Variants in CADM2 observed in about 807,000 individuals in gnomAD.
CADM2 encodes cell adhesion molecule 2.
In CADM2, 12 loss-of-function variants were observed where a neutral mutation model predicts 49.8. The ratio of observed to expected loss-of-function variants is 0.24; its 90% CI spans 0.15 to 0.39. The LOEUF (loss-of-function observed/expected upper bound fraction) is 0.39. CADM2 is among the 10% of genes least tolerant of loss of function. The pLI is 1.00. For synonymous variants in CADM2, 214 were observed against 175.4 expected (o/e 1.22, Z -1.74); for missense variants, 378 against 492.3 (o/e 0.77, Z 2.20).
At chr3:85,005,631 C>T (rs763601522) in intron 1 of CADM2, among the ~76,000 whole-genome samples, 4 of 151,692 alleles carry the variant, frequency 2.6e-5, no homozygotes, top group Admixed American at 6.6e-5. Flanking sequence ...GTGAATAGAA[C>T]GTGCAGAGAT....
intron 3 of CADM2, among the ~76,000 whole-genome samples, chr3:85,865,179 T>C (rs1313234099): frequency 6.6e-6 from 1 of 152,188 alleles, no homozygotes. Flanking sequence ...TTCAAAGAAC[T>C]GGAGAGGCTT....
intron 1 of CADM2, among the ~76,000 whole-genome samples, chr3:85,661,812 C>G (rs1302369548): frequency 1.3e-5 from 2 of 151,808 alleles, no homozygotes. Flanking sequence ...ATAGACCTTC[C>G]AAAACTCATT....
chr3:85,925,599 C>A (rs1249519242), intron 6 of CADM2, among the ~76,000 whole-genome samples: 1 of 152,116 alleles, frequency 6.6e-6, no homozygotes, highest in African/African-American at 2.4e-5. Flanking sequence ...GGTATTTTAA[C>A]CCCACTGTTC....
chr3:85,141,299 T>C (rs2039568496), intron 1 of CADM2, among the ~76,000 whole-genome samples: 1 of 152,188 alleles, frequency 6.6e-6, no homozygotes, highest in African/African-American at 2.4e-5. Context: ...CTCAATTTCT[T>C]AATCTTTTAA....
intron 1 of CADM2, among the ~76,000 whole-genome samples, chr3:85,273,406 T>C (rs2043287549): frequency 6.6e-6 from 1 of 151,146 alleles, no homozygotes; most frequent in Non-Finnish European, 1.5e-5. Context: ...AAAAAAGACT[T>C]AGAGGAATTG....
At chr3:85,481,961 T>C (rs886587820) in intron 1 of CADM2, among the ~76,000 whole-genome samples, 3 of 151,574 alleles carry the variant, frequency 2.0e-5, no homozygotes, top group African/African-American at 7.3e-5. Flanking sequence ...TAAACAGAGA[T>C]CAATGGGACA....
At chr3:85,710,887 A>G (rs1044825339) in intron 1 of CADM2, among the ~76,000 whole-genome samples, 3 of 152,138 alleles carry the variant, frequency 2.0e-5, no homozygotes, top group Admixed American at 6.5e-5. Context: ...AGACCTGATA[A>G]CCTTTGATGG....
intron 1 of CADM2, among the ~76,000 whole-genome samples, chr3:85,084,653 ATTAC>A (rs1302353518): frequency 2.0e-5 from 3 of 152,186 alleles, no homozygotes; most frequent in African/African-American, 7.2e-5. Context: ...AATAAAATAC[ATTAC>A]TTAAAGTAAA....
intron 3 of CADM2, among the ~76,000 whole-genome samples, chr3:85,804,819 G>T (rs1053253367): frequency 6.6e-6 from 1 of 152,100 alleles, no homozygotes; most frequent in African/African-American, 2.4e-5. Context: ...TTTTTTCTGA[G>T]GGATAATTAT....
intron 3 of CADM2, among the ~76,000 whole-genome samples, chr3:85,807,368 G>A (rs1027126043): frequency 2.6e-5 from 4 of 151,786 alleles, no homozygotes; most frequent in Admixed American, 6.6e-5. Flanking sequence ...GCATGGTGGC[G>A]GATGCCAATA....
Position 85,093,466 on chromosome 3 carries a change from G to A in CADM2, c.61+133798G>A, listed in dbSNP as rs2037677392. ...CGGGAGGTGGAGGTTGCAGTGAGCC[G>A]AGATCACACCACTCCATCTCAAAAA... On this transcript the variant is annotated intron_variant, in intron 1 of 9. Transcript: ENST00000383699. Among the ~76,000 whole-genome samples the A allele has an allele frequency of 4.2e-5, 6 of 143,982 alleles. No individual in the cohort carries two copies. The South Asian group carries it at 1.3e-3, about 32-fold the overall frequency. 94.5% of individuals were successfully genotyped at this position (143,982 alleles called of 152,430 possible).
chr3:85,228,223 C>T (rs1050919640), intron 1 of CADM2, among the ~76,000 whole-genome samples: 5 of 152,034 alleles, frequency 3.3e-5, no homozygotes, highest in African/African-American at 1.2e-4. Flanking sequence ...CAGCATTTTC[C>T]AAGTTGGTGC....
chr3:85,380,699 A>T (rs1173519673), intron 1 of CADM2, among the ~76,000 whole-genome samples: 1 of 151,958 alleles, frequency 6.6e-6, no homozygotes, highest in African/African-American at 2.4e-5. Flanking sequence ...ATACCAAATT[A>T]AGTGTAGATA....
intron 1 of CADM2, among the ~76,000 whole-genome samples, chr3:85,062,029 G>GTCTCTCTGTCTC (rs1553677320): frequency 6.6e-6 from 1 of 151,166 alleles, no homozygotes; most frequent in African/African-American, 2.4e-5. Context: ...CTCTGTCTCT[G>GTCTCTCTGTCTC]TCTCTCTGTC....
intron 1 of CADM2, among the ~76,000 whole-genome samples, chr3:85,109,754 G>C (rs2107565955): frequency 6.6e-6 from 1 of 152,032 alleles, no homozygotes; most frequent in South Asian, 2.1e-4. Context: ...AAAATTTATA[G>C]TACAGTAGAG....
At chr3:85,305,252 T>A (rs2044186098) in intron 1 of CADM2, among the ~76,000 whole-genome samples, 1 of 151,588 alleles carries the variant, frequency 6.6e-6, no homozygotes, top group Admixed American at 6.6e-5. Flanking sequence ...TTAGTTTCCT[T>A]CTTACCACAG....
intron 2 of CADM2, among the ~76,000 whole-genome samples, chr3:85,791,711 G>T (rs1577320825): frequency 2.0e-5 from 3 of 151,880 alleles, no homozygotes; most frequent in African/African-American, 7.3e-5. Context: ...TTGAGTTTTT[G>T]TTGTTGTTGT....
chr3:85,991,522 A>G (rs1728768992), intron 8 of CADM2, among the ~76,000 whole-genome samples: 1 of 152,174 alleles, frequency 6.6e-6, no homozygotes, highest in Non-Finnish European at 1.5e-5. Flanking sequence ...TACCTTGCCA[A>G]ATATTAACAC....
chr3:85,435,056 A>T (rs1300011674), intron 1 of CADM2, among the ~76,000 whole-genome samples: 1 of 152,106 alleles, frequency 6.6e-6, no homozygotes, highest in African/African-American at 2.4e-5. Flanking sequence ...GTTCTGGGAT[A>T]CATATGCAGA....
Sources: allele counts gnomAD v4.1 joint callset (sites outside exome capture counted in the v4.1 genomes callset), GRCh38; gene constraint gnomAD v4.1.1; transcripts MANE v1.5; gene names NCBI Gene and HGNC (gene_info 2026-07-23, HGNC 2026-07-21).